Variants in WDFY4 observed in about 807,000 individuals in gnomAD.
The protein encoded by WDFY4 is WD repeat- and FYVE domain-containing protein 4.
Under a neutral mutation model 351.9 loss-of-function variants are expected in WDFY4, and 169 were observed. That is an observed-to-expected ratio of 0.48 (90% CI 0.42 to 0.55). The LOEUF is 0.55. WDFY4 is among the 20% of genes least tolerant of loss of function. The pLI is 0.00. For synonymous variants in WDFY4, 1,622 were observed against 1,574.6 expected, an observed-to-expected ratio of 1.03 and a Z score of -0.71; for missense variants, 3,803 against 3,935.6, an observed-to-expected ratio of 0.97 and a Z score of 0.90.
At chr10:48,888,039 CA>C (rs2070539375) in intron 43 of WDFY4, among the ~76,000 whole-genome samples, 1 of 152,122 alleles carries the variant, frequency 6.6e-6, no homozygotes. Context: ...AGTCTAGATG[CA>C]GAGCAGTAAG....
At chr10:48,860,481 A>C (rs527508449) in intron 39 of WDFY4, among the ~76,000 whole-genome samples, 1 of 152,146 alleles carries the variant, frequency 6.6e-6, no homozygotes, top group Non-Finnish European at 1.5e-5. Context: ...TCCTTTTCTT[A>C]TGAGGACACT....
At chr10:48,939,678 T>C (rs1173226903) in intron 47 of WDFY4, among the ~76,000 whole-genome samples, 1 of 152,268 alleles carries the variant, frequency 6.6e-6, no homozygotes, top group African/African-American at 2.4e-5. Context: ...TAGATCATTT[T>C]AAGAGTTCTG....
At chr10:48,820,606 G>A (rs2067789679) in intron 33 of WDFY4, among the ~76,000 whole-genome samples, 169 bp downstream of exon 33, 1 of 152,238 alleles carries the variant, frequency 6.6e-6, no homozygotes, top group African/African-American at 2.4e-5. Flanking sequence ...AGAGGAGTGA[G>A]CACAGAGTCC....
intron 19 of WDFY4, among the ~76,000 whole-genome samples, chr10:48,786,356 G>A (rs1341488074): frequency 2.6e-5 from 4 of 151,974 alleles, no homozygotes; most frequent in Non-Finnish European, 5.9e-5. Flanking sequence ...AGACATTCAG[G>A]TTCTTAGTAG....
At position 48,945,220 on chromosome 10, in the gene WDFY4, G is replaced by A. The variant is rs926404203; in HGVS notation, c.7750-820G>A. Among the ~76,000 whole-genome samples the A allele has an allele frequency of 3.9e-5, 6 of 152,144 alleles. No homozygotes were observed. The East Asian group carries it at 5.8e-4, about 15-fold the overall frequency. The stretch of plus-strand genomic sequence containing the variant: ...GTGAGACCCTGTCTCTATCAAAAAT[G>A]CAAAAATTAGCGAGGCATGGTGGCA... On this transcript the variant is annotated intron_variant, in intron 49 of 61. Coordinates refer to ENST00000325239, the MANE Select transcript of WDFY4 (RefSeq NM_001394531.1).
At chr10:48,743,855 G>A (rs1307904726) in intron 12 of WDFY4, among the ~76,000 whole-genome samples, 1 of 152,100 alleles carries the variant, frequency 6.6e-6, no homozygotes, top group East Asian at 1.9e-4. Flanking sequence ...GTCCTAGGGA[G>A]CCCTGGTGCC....
In WDFY4 at chr10:48,959,758, A is replaced by T. The variant is rs1395285549; in HGVS notation, c.8168A>T (p.Gln2723Leu). The T allele has an allele frequency of 3.2e-6, 5 of 1,551,514 alleles. No individual in the cohort carries two copies. In the Admixed American group the frequency reaches 7.8e-5, roughly 24 times the overall value. The stretch of plus-strand genomic sequence containing the variant: ...GACGGGACTGTGCTAGGAGACGTGC[A>T]GCTCCCTCCCTGGGCTGATGGGGAC... The part of the protein sequence containing the change: ...MQDGTVLGDV[Q>L]LPPWADGDPR... Residue 2723 changes from glutamine to leucine, a missense_variant, in exon 53 of 62, where the codon CAG (glutamine) becomes CTG (leucine). By Grantham distance (113) the Gln-to-Leu change is moderately radical (BLOSUM62 -2). This residue lies in a region of WDFY4 where 3,054 missense variants were observed against 3,148.6 expected (regional missense o/e 0.97). Transcript: ENST00000325239.
chr10:48,841,794 G>T (rs912879678), intron 39 of WDFY4, among the ~76,000 whole-genome samples: 3 of 152,158 alleles, frequency 2.0e-5, no homozygotes, highest in African/African-American at 7.2e-5. Context: ...TTAGATTAGG[G>T]GTCTTCCTGA....
chr10:48,772,163 C>T (rs570631356), intron 13 of WDFY4, among the ~76,000 whole-genome samples: 14 of 151,992 alleles, frequency 9.2e-5, no homozygotes, highest in African/African-American at 3.1e-4. Context: ...GGGAAGGACT[C>T]GGGAGGGAAG....
intron 39 of WDFY4, among the ~76,000 whole-genome samples, chr10:48,864,025 G>T (rs2069444528): frequency 1.3e-5 from 2 of 152,142 alleles, no homozygotes; most frequent in African/African-American, 4.8e-5. Flanking sequence ...TCTCCCCCTT[G>T]ACACGTGGAA....
chr10:48,775,947 G>C (rs1001253289), intron 15 of WDFY4, 141 bp downstream of exon 15: 2 of 748,438 alleles, frequency 2.7e-6, no homozygotes, highest in Non-Finnish European at 4.3e-6. Flanking sequence ...AGCAACTGAG[G>C]AAAAAGCAAA....
intron 14 of WDFY4, 107 bp from the exon 15 acceptor site, chr10:48,775,605 G>A: frequency 9.7e-7 from 1 of 1,026,852 alleles, no homozygotes; most frequent in Non-Finnish European, 1.5e-6. Context: ...CAGTGGGGCT[G>A]GGAGGTCAGG....
intron 39 of WDFY4, among the ~76,000 whole-genome samples, chr10:48,857,457 G>A (rs2069175104): frequency 1.3e-5 from 2 of 151,168 alleles, no homozygotes; most frequent in Admixed American, 6.6e-5. Context: ...ATTGCTTTTT[G>A]GGGCCTTCAA....
Position 48,832,771 on chromosome 10 carries a change from A to G in WDFY4, c.6663+62A>G, listed in dbSNP as rs2068236167. On this transcript the variant is annotated intron_variant, in intron 39 of 61. Transcript: ENST00000325239. ...GCATTTGCTTCAAACCCCATGAGTCATATCTCTTCTTTGCTGCCTGTTACT... is the reference window on the plus strand; with the variant it reads ...GCATTTGCTTCAAACCCCATGAGTCGTATCTCTTCTTTGCTGCCTGTTACT... 6.3e-6 allele frequency: 9 copies of G among 1,436,344 alleles called. No homozygotes were observed. In the East Asian group the frequency reaches 1.8e-4, roughly 29 times the overall value. The allele number at this position is 1,436,344 out of a possible 1,614,324, so 89.0% of individuals were successfully genotyped here.
intron 11 of WDFY4, among the ~76,000 whole-genome samples, chr10:48,741,027 T>G (rs1004823360): frequency 1.3e-5 from 2 of 152,204 alleles, no homozygotes; most frequent in Non-Finnish European, 2.9e-5. Flanking sequence ...TCCTAGTAAC[T>G]GCAATCTGTT....
At chr10:48,708,162 G>A (rs2063681001) in intron 1 of WDFY4, among the ~76,000 whole-genome samples, 1 of 152,174 alleles carries the variant, frequency 6.6e-6, no homozygotes, top group African/African-American at 2.4e-5. Flanking sequence ...AACTGACATG[G>A]CTTTTGTAAT....
intron 24 of WDFY4, among the ~76,000 whole-genome samples, chr10:48,802,522 C>A (rs2067119096): frequency 6.6e-6 from 1 of 152,062 alleles, no homozygotes; most frequent in Non-Finnish European, 1.5e-5. Flanking sequence ...ATAGTCTGGG[C>A]CTTAGGAACT....
chr10:48,713,200 G>C (rs1217623583), intron 2 of WDFY4, among the ~76,000 whole-genome samples: 1 of 152,170 alleles, frequency 6.6e-6, no homozygotes, highest in Non-Finnish European at 1.5e-5. Context: ...GGGGCTGGGT[G>C]AATCAGGTTG....
intron 20 of WDFY4, 62 bp from the exon 21 acceptor site, chr10:48,788,468 T>G: frequency 1.5e-5 from 23 of 1,502,026 alleles, no homozygotes; most frequent in Non-Finnish European, 2.0e-5. Context: ...TTAAATTGTA[T>G]GAGGATTAAT....
Sources: gnomAD v4.1 joint callset for allele counts (sites outside exome capture counted in the v4.1 genomes callset) on GRCh38, gnomAD v4.1.1 for gene constraint, gnomAD v4.1.1 regional missense constraint, MANE v1.5 for transcripts, NCBI Gene and HGNC (gene_info 2026-07-23, HGNC 2026-07-21) for gene names.